The following ERCC6 variants were observed in gnomAD, a reference collection of about 807,000 sequenced individuals.
ERCC6 encodes the protein DNA excision repair protein ERCC-6.
A neutral mutation model predicts 158.7 loss-of-function variants in ERCC6; 116 were observed. That is an observed-to-expected ratio of 0.73 (90% CI 0.63 to 0.85). The LOEUF is 0.85. Ranked by LOEUF, ERCC6 falls within the 40% of genes least tolerant of loss-of-function variation. The pLI is 0.00. For synonymous variants in ERCC6, 678 were observed against 659.3 expected, an observed-to-expected ratio of 1.03 and a Z score of -0.43; for missense variants, 1,698 against 1,799.4, an observed-to-expected ratio of 0.94 and a Z score of 1.02.
At chr10:49,504,898 C>T (rs1407435997) in intron 6 of ERCC6, 1 of 152,076 alleles carries the variant, frequency 6.6e-6, no homozygotes, top group Non-Finnish European at 1.5e-5. Context: ...TCCCCTACCC[C>T]AATGGAGAGA....
intron 18 of ERCC6, among the ~76,000 whole-genome samples, chr10:49,468,088 A>G (rs990325969): frequency 2.0e-5 from 3 of 152,188 alleles, no homozygotes; most frequent in African/African-American, 7.2e-5. Context: ...ATCCCTGGCC[A>G]TGGGTGAGCA....
Position 49,530,586 on chromosome 10 carries a change from C to T in ERCC6, c.543+134G>A, listed in dbSNP as rs112228268. The T allele has an allele frequency of 3.8e-5, 54 of 1,418,392 alleles. 1 individual carries two copies. In the African/African-American group the frequency reaches 6.5e-4, roughly 17 times the overall value. 87.9% of individuals were successfully genotyped at this position (1,418,392 alleles called of 1,614,324 possible). A position where few individuals can be genotyped will look rare whatever the true frequency, so the allele number is the denominator to read the frequency against. On this transcript the variant is annotated intron_variant, in intron 3 of 20. Coordinates refer to ENST00000355832, the MANE Select transcript of ERCC6 (RefSeq NM_000124.4). The stretch of plus-strand genomic sequence containing the variant: ...AGAAAGATTAAACATACAAAAGAAA[C>T]CCAAAATTTCTCTATTGTAATTATA...
intron 20 of ERCC6, chr10:49,459,974 C>A (rs901635540): frequency 1.7e-5 from 5 of 295,020 alleles, no homozygotes; most frequent in African/African-American, 6.6e-5. Flanking sequence ...CAGAGAAAGA[C>A]AGGCACTCTG....
At chr10:49,537,432 T>G (rs1837625136) in intron 1 of ERCC6, among the ~76,000 whole-genome samples, 1 of 151,430 alleles carries the variant, frequency 6.6e-6, no homozygotes, top group Non-Finnish European at 1.5e-5. Flanking sequence ...CTAGGTTAAC[T>G]AATTCCTGTC....
intron 12 of ERCC6, 92 bp from the exon 13 acceptor site, chr10:49,474,334 T>TA: frequency 4.3e-6 from 4 of 932,144 alleles, no homozygotes; most frequent in South Asian, 4.0e-5. Flanking sequence ...TAACACAGAC[T>TA]AAAAAACAGT....
rs1177852280 is a variant in ERCC6 at position 49,474,123 on chromosome 10, G to A, written c.2502C>T (p.Tyr834=). Residue 834 remains tyrosine (Y), a synonymous_variant, in exon 13 of 21, where the codon TAC becomes TAT. Transcript: ENST00000355832. ...DDELEEDQFG[Y]WKRSGKMIVV... ...CAATCATTTTCCCAGAACGTTTCCA[G>A]TACCCAAACTGATCTTCTTCTAGTT... 6.2e-7 allele frequency: 1 copy of A among 1,613,958 alleles called. No individual in the cohort carries two copies. Among genetic ancestry groups the A allele is most frequent in the Non-Finnish European group, 8.5e-7 (1 of 1,180,020 alleles).
chr10:49,435,654 C>A, the ERCC6 span, among the ~76,000 whole-genome samples: 1 of 151,936 alleles, frequency 6.6e-6, no homozygotes, highest in Non-Finnish European at 1.5e-5. Flanking sequence ...TAGGATGAAC[C>A]TAAAGCAGTA....
At chr10:49,465,005 G>A (rs192290938) in intron 18 of ERCC6, among the ~76,000 whole-genome samples, 228 of 152,282 alleles carry the variant, frequency 1.5e-3, no homozygotes, top group African/African-American at 4.6e-3. Flanking sequence ...AGAGGGCCAC[G>A]GTCCTCCAGA....
At chr10:49,476,890 C>T (rs573850458) in intron 11 of ERCC6, among the ~76,000 whole-genome samples, 1 of 152,280 alleles carries the variant, frequency 6.6e-6, no homozygotes, top group Non-Finnish European at 1.5e-5. Flanking sequence ...CATTTAGCCA[C>T]CCCTCTGCCA....
chr10:49,480,911 AAC>A (rs1850967283), intron 10 of ERCC6, among the ~76,000 whole-genome samples: 2 of 152,246 alleles, frequency 1.3e-5, no homozygotes, highest in Non-Finnish European at 2.9e-5. Flanking sequence ...AGGGCAAAGA[AAC>A]AGTCCCAGAT....
intron 10 of ERCC6, among the ~76,000 whole-genome samples, chr10:49,481,239 T>G (rs1239134656): frequency 6.6e-6 from 1 of 152,288 alleles, no homozygotes; most frequent in East Asian, 1.9e-4. Flanking sequence ...TAACAATCAG[T>G]GAATCTGGGT....
At chr10:49,499,460 G>A (rs1431341045) in intron 7 of ERCC6, among the ~76,000 whole-genome samples, 1 of 152,192 alleles carries the variant, frequency 6.6e-6, no homozygotes. Context: ...GAGCTGGAGA[G>A]TAGGAAGAAC....
chr10:49,506,466 C>T (rs1353711869), intron 5 of ERCC6: 1 of 173,670 alleles, frequency 5.8e-6, no homozygotes, highest in Middle Eastern at 2.7e-3. Context: ...CATAAAACAA[C>T]AAAGCCCCTT....
chr10:49,481,354 G>A (rs1453014954), intron 10 of ERCC6, among the ~76,000 whole-genome samples: 4 of 151,934 alleles, frequency 2.6e-5, no homozygotes, highest in Non-Finnish European at 5.9e-5. Flanking sequence ...AAAAAAGAAT[G>A]GTATAACAGG....
At chr10:49,482,583 G>A in intron 10 of ERCC6, 104 bp downstream of exon 10, 1 of 882,312 alleles carries the variant, frequency 1.1e-6, no homozygotes, top group Non-Finnish European at 1.7e-6. Flanking sequence ...TATGAGCCTG[G>A]CCATCTTTCT....
At chr10:49,446,303 C>T in the ERCC6 span, among the ~76,000 whole-genome samples, 1 of 151,654 alleles carries the variant, frequency 6.6e-6, no homozygotes, top group Non-Finnish European at 1.5e-5. Flanking sequence ...CCACAAAGAG[C>T]AGGATCAACA....
At chr10:49,445,556 T>G in the ERCC6 span, among the ~76,000 whole-genome samples, 2 of 152,248 alleles carry the variant, frequency 1.3e-5, no homozygotes, top group African/African-American at 4.8e-5. Context: ...GGCACTATTC[T>G]AAGCTCTTTA....
At chr10:49,470,159 G>A in intron 18 of ERCC6, 23 bp downstream of exon 18, 1 of 1,606,976 alleles carries the variant, frequency 6.2e-7, no homozygotes, top group Non-Finnish European at 8.5e-7. Context: ...GCATCCCTGT[G>A]GCAAACGTAT....
chr10:49,517,175 T>C, intron 5 of ERCC6: 3 of 1,510,074 alleles, frequency 2.0e-6, no homozygotes, highest in Non-Finnish European at 2.7e-6. Context: ...TTGCCTAGTG[T>C]TCCAAAAATG....
Sources: gnomAD v4.1 joint callset for allele counts (sites outside exome capture counted in the v4.1 genomes callset) on GRCh38, gnomAD v4.1.1 for gene constraint, MANE v1.5 for transcripts, NCBI Gene and HGNC (gene_info 2026-07-23, HGNC 2026-07-21) for gene names.